Variants in FEZ1 observed in about 807,000 individuals in gnomAD.
FEZ1 encodes fasciculation and elongation protein zeta-1.
A neutral mutation model predicts 49.3 loss-of-function variants in FEZ1; 20 were observed. That is an observed-to-expected ratio of 0.41 (90% CI 0.29 to 0.59). The LOEUF is 0.59. Ranked by LOEUF, FEZ1 falls within the 20% of genes least tolerant of loss-of-function variation. FEZ1 has a pLI of 0.36. For missense variants in FEZ1, 413 were observed against 476.0 expected, an observed-to-expected ratio of 0.87 and a Z score of 1.23; for synonymous variants, 170 against 180.9, an observed-to-expected ratio of 0.94 and a Z score of 0.48.
At chr11:125,490,465 A>G (rs1326145118) in intron 1 of FEZ1, among the ~76,000 whole-genome samples, 1 of 152,220 alleles carries the variant, frequency 6.6e-6, no homozygotes, top group Non-Finnish European at 1.5e-5. Context: ...ACTTTCCAAA[A>G]TCTGAAATAA....
Position 125,489,696 on chromosome 11 carries a change from G to C in FEZ1, c.82C>G (p.Gln28Glu). 6.2e-7 allele frequency: 1 copy of C among 1,613,148 alleles called. No homozygotes were observed. The highest frequency in any genetic ancestry group is 8.5e-7 in the Non-Finnish European group (1 of 1,179,500). ...SCSEDPEEKP[Q>E]CFYGSSPHHL... ...TGGGGAGATGAACCATAGAAACACT[G>C]GGGCTTCTCCTCCGGGTCCTCCGAG... Residue 28 changes from glutamine to glutamate, a missense_variant, in exon 2 of 10, where the codon CAG (glutamine) becomes GAG (glutamate). Physicochemically the swap from Gln to Glu is conservative, Grantham distance 29. Coordinates refer to ENST00000278919, the MANE Select transcript of FEZ1 (RefSeq NM_005103.5). The surrounding 1 kb of genome is among the most constrained non-coding windows in gnomAD (Gnocchi z 4.2).
Position 125,448,442 on chromosome 11 carries a change from A to G in FEZ1, c.1162+60T>C. On this transcript the variant is annotated intron_variant, in intron 9 of 9. Coordinates refer to ENST00000278919, the MANE Select transcript of FEZ1 (RefSeq NM_005103.5). ...CATGGGCAAGCTGGGAAGGTTCCCTAACTGGAGCAGGAGCTCCAGAGAACC... is the reference window on the plus strand; with the variant it reads ...CATGGGCAAGCTGGGAAGGTTCCCTGACTGGAGCAGGAGCTCCAGAGAACC... 3.5e-6 allele frequency: 4 copies of G among 1,146,664 alleles called. No individual in the cohort carries two copies. In the South Asian group the frequency reaches 5.0e-5, roughly 14 times the overall value. The allele number at this position is 1,146,664 out of a possible 1,614,324, so 71.0% of individuals were successfully genotyped here.
intron 3 of FEZ1, among the ~76,000 whole-genome samples, chr11:125,468,439 T>C (rs1194261585): frequency 1.3e-5 from 2 of 152,102 alleles, no homozygotes; most frequent in East Asian, 3.9e-4. Flanking sequence ...ATCTTCCTAC[T>C]TCAGCCTCCC....
At chr11:125,449,599 GTTA>G in intron 8 of FEZ1, among the ~76,000 whole-genome samples, 1 of 152,210 alleles carries the variant, frequency 6.6e-6, no homozygotes, top group East Asian at 1.9e-4. Context: ...CTGTTAAGTA[GTTA>G]TCTCTGAGTG....
Position 125,458,490 on chromosome 11 carries a change from C to T in FEZ1, c.667+2008G>A, listed in dbSNP as rs1349995634. Among the ~76,000 whole-genome samples the T allele has an allele frequency of 3.9e-5, 6 of 152,126 alleles. No homozygotes were observed. The East Asian group carries it at 1.2e-3, about 29-fold the overall frequency. On this transcript the variant is annotated intron_variant, in intron 5 of 9. Coordinates refer to ENST00000278919, the MANE Select transcript of FEZ1 (RefSeq NM_005103.5). ...TACCTGGCTTCAAATGTTAGCTTCA[C>T]CCCTTATGGCTTCTGCATGGACTAA...
chr11:125,485,544 C>T (rs1353635135), intron 2 of FEZ1, among the ~76,000 whole-genome samples: 1 of 152,206 alleles, frequency 6.6e-6, no homozygotes, highest in Non-Finnish European at 1.5e-5. Context: ...AGCCTGGCTA[C>T]TTCCCTTGTC....
intron 8 of FEZ1, chr11:125,451,357 C>T (rs1483358027): frequency 1.3e-5 from 2 of 152,194 alleles, no homozygotes; most frequent in Non-Finnish European, 2.9e-5. Context: ...TTCTGTTTGC[C>T]AGAACCTCCT....
At chr11:125,477,221 A>G (rs668508) in intron 3 of FEZ1, among the ~76,000 whole-genome samples, 150,482 of 152,160 alleles carry the variant, frequency 0.99, 74,429 homozygotes, top group East Asian at 1. Flanking sequence ...CTGGCTGGGT[A>G]CAGTGCCTCA....
intron 2 of FEZ1, among the ~76,000 whole-genome samples, chr11:125,484,947 G>A (rs1378970123): frequency 6.6e-6 from 1 of 152,120 alleles, no homozygotes; most frequent in Admixed American, 6.5e-5. Flanking sequence ...GAAAGGGAAG[G>A]GCTGTCTATC....
chr11:125,463,253 C>A (rs1001800160), intron 4 of FEZ1: 23 of 272,254 alleles, frequency 8.4e-5, no homozygotes, highest in Admixed American at 2.7e-4. Flanking sequence ...TTGCAATGAG[C>A]CAAGATCACG....
rs373090137 is a variant in FEZ1, at chr11:125,466,528, C to T, written c.412-2958G>A. 4.2e-4 allele frequency among the ~76,000 whole-genome samples: 64 copies of T among 151,978 alleles called. No homozygotes were observed. In the South Asian group the frequency reaches 7.5e-3, roughly 18 times the overall value. On this transcript the variant is annotated intron_variant, in intron 3 of 9. Coordinates refer to ENST00000278919, the MANE Select transcript of FEZ1 (RefSeq NM_005103.5). ...TTGCTAGCTGTTTGGATACTATTGA[C>T]GTGAACTATGCTTTTCCAAGAAAAG...
intron 8 of FEZ1, among the ~76,000 whole-genome samples, chr11:125,450,874 GTTAT>G (rs1295462373): frequency 6.6e-6 from 1 of 152,110 alleles, no homozygotes; most frequent in African/African-American, 2.4e-5. Flanking sequence ...TAGACAATGA[GTTAT>G]TTATTTTTCT....
chr11:125,476,518 C>CA (rs772246464), intron 3 of FEZ1, among the ~76,000 whole-genome samples: 3 of 152,046 alleles, frequency 2.0e-5, no homozygotes, highest in Non-Finnish European at 4.4e-5. Flanking sequence ...TCATGAGCTT[C>CA]TATGTTGAAA....
chr11:125,458,465 T>C (rs1179892381), intron 5 of FEZ1, among the ~76,000 whole-genome samples: 1 of 152,202 alleles, frequency 6.6e-6, no homozygotes, highest in Non-Finnish European at 1.5e-5. Context: ...GGAGTTAACC[T>C]ACCTGGCTTC....
At position 125,455,936 on chromosome 11, in the gene FEZ1, T is replaced by G. The variant is rs886213992; in HGVS notation, c.838A>C (p.Lys280Gln). The G allele has an allele frequency of 3.7e-6, 6 of 1,613,506 alleles. No individual in the cohort carries two copies. The highest frequency in any genetic ancestry group is 5.1e-6 in the Non-Finnish European group (6 of 1,179,944). The change falls in exon 6 of 10, where the codon AAG becomes CAG. Residue 280 changes from lysine (K) to glutamine (Q), a missense_variant. Coordinates refer to ENST00000278919, the MANE Select transcript of FEZ1 (RefSeq NM_005103.5). ...FITVLIEVQNKQKEQRELMKK... is the reference protein window; with the variant it reads ...FITVLIEVQNQQKEQRELMKK... ...ATCAGTTCTCGCTGCTCCTTCTGCT[T>G]GTTCTGAACCTCAATAAGCACCGTG...
intron 3 of FEZ1, among the ~76,000 whole-genome samples, chr11:125,470,105 G>A (rs1459729974): frequency 6.6e-6 from 1 of 152,146 alleles, no homozygotes; most frequent in Admixed American, 6.5e-5. Context: ...AATGTATAGA[G>A]AAGAGAAATC....
chr11:125,477,723 C>A (rs975704082), intron 3 of FEZ1, among the ~76,000 whole-genome samples: 5 of 152,162 alleles, frequency 3.3e-5, no homozygotes, highest in African/African-American at 1.2e-4. Context: ...CTAGCCAGTC[C>A]TAAACTGTTT....
chr11:125,458,205 G>A (rs1376312856), intron 5 of FEZ1, among the ~76,000 whole-genome samples: 6 of 152,202 alleles, frequency 3.9e-5, no homozygotes, highest in East Asian at 3.9e-4. Context: ...CTTCTAACCC[G>A]CAGTTGACCT....
chr11:125,452,297 G>T, intron 8 of FEZ1, 37 bp downstream of exon 8: 1 of 1,387,148 alleles, frequency 7.2e-7, no homozygotes, highest in Non-Finnish European at 1.0e-6. Context: ...GGGAGAAAAA[G>T]GAGCCACTGA....
Sources: allele counts gnomAD v4.1 joint callset (sites outside exome capture counted in the v4.1 genomes callset), GRCh38; gene constraint gnomAD v4.1.1; non-coding constraint Gnocchi (gnomAD v3.1); transcripts MANE v1.5; gene names NCBI Gene and HGNC (gene_info 2026-07-23, HGNC 2026-07-21).